The following SNCAIP variants were observed in gnomAD, a reference collection of about 807,000 sequenced individuals.
SNCAIP encodes synuclein alpha interacting protein.
Under a neutral mutation model 86.7 loss-of-function variants are expected in SNCAIP, and 43 were observed. The ratio of observed to expected loss-of-function variants is 0.50; its 90% CI spans 0.39 to 0.64. The LOEUF is 0.64. Among genes scored for constraint, SNCAIP ranks in the 30% least tolerant of loss-of-function variants. SNCAIP has a pLI of 0.00. For missense variants in SNCAIP, 981 were observed against 1,103.1 expected (o/e 0.89, Z 1.57); for synonymous variants, 417 against 427.2 (o/e 0.98, Z 0.29).
intron 1 of SNCAIP, among the ~76,000 whole-genome samples, chr5:122,380,519 G>GT (rs376847161): frequency 1.3e-5 from 2 of 149,700 alleles, no homozygotes; most frequent in African/African-American, 2.5e-5. Context: ...TTTTTGAAGG[G>GT]TTTTTTGTGT....
chr5:122,435,954 A>G (rs1297638012), intron 6 of SNCAIP, among the ~76,000 whole-genome samples: 2 of 152,128 alleles, frequency 1.3e-5, no homozygotes, highest in Non-Finnish European at 2.9e-5. Context: ...ACAAAGCATA[A>G]CTGACACAGA....
intron 1 of SNCAIP, among the ~76,000 whole-genome samples, chr5:122,329,865 A>G (rs932278153): frequency 2.6e-5 from 4 of 152,208 alleles, no homozygotes; most frequent in African/African-American, 4.8e-5. Context: ...TGGAGCCATC[A>G]TAAGCTTAGG....
Position 122,451,400 on chromosome 5 carries a change from C to T in SNCAIP, c.2553C>T (p.Asn851=), listed in dbSNP as rs762107782. The change falls in exon 10 of 11, where the codon AAC becomes AAT. Residue 851 remains asparagine (N), a synonymous_variant. Coordinates refer to ENST00000261368, the MANE Select transcript of SNCAIP (RefSeq NM_005460.4). ...GRTLQRTSTS[N]ESGDQLKRPF... ...CTCTCCAGCGGACCTCCACAAGTAA[C>T]GAATCGGGGGATCAACTGAAAAGGC... The T allele has an allele frequency of 6.2e-6, 10 of 1,613,960 alleles. No individual in the cohort carries two copies. The African/African-American group carries it at 8.0e-5, about 13-fold the overall frequency.
At chr5:122,320,674 A>G (rs1454675553) in intron 1 of SNCAIP, among the ~76,000 whole-genome samples, 1 of 152,186 alleles carries the variant, frequency 6.6e-6, no homozygotes, top group Admixed American at 6.5e-5. Flanking sequence ...TGACAGAGTC[A>G]GGGGGATATG....
chr5:122,325,841 A>G (rs1452004527), intron 1 of SNCAIP, among the ~76,000 whole-genome samples: 1 of 152,168 alleles, frequency 6.6e-6, no homozygotes, highest in Non-Finnish European at 1.5e-5. Context: ...AAAGATGGGG[A>G]AAAATGAAAC....
intron 1 of SNCAIP, among the ~76,000 whole-genome samples, chr5:122,324,513 CTG>C (rs1417713491): frequency 6.6e-6 from 1 of 152,204 alleles, no homozygotes; most frequent in Non-Finnish European, 1.5e-5. Flanking sequence ...CAGTATATGT[CTG>C]TGGAATAAAT....
At chr5:122,371,706 C>G (rs1764300926) in intron 1 of SNCAIP, 1 of 152,244 alleles carries the variant, frequency 6.6e-6, no homozygotes, top group African/African-American at 2.4e-5. Flanking sequence ...TCAGTCCTAC[C>G]TGGCTTTGAT....
intron 10 of SNCAIP, among the ~76,000 whole-genome samples, chr5:122,457,083 C>T (rs1035788815): frequency 1.3e-5 from 2 of 152,262 alleles, no homozygotes; most frequent in Middle Eastern, 6.8e-3. Flanking sequence ...CTCACTGCAA[C>T]CTCCACCTCC....
chr5:122,372,314 A>G (rs147776254), intron 1 of SNCAIP, among the ~76,000 whole-genome samples: 1 of 152,318 alleles, frequency 6.6e-6, no homozygotes, highest in African/African-American at 2.4e-5. Context: ...TCCATGGTGT[A>G]AATACTCCCA....
intron 1 of SNCAIP, 106 bp from the exon 2 acceptor site, chr5:122,390,983 G>A: frequency 4.4e-6 from 3 of 675,296 alleles, no homozygotes; most frequent in South Asian, 3.3e-5. Flanking sequence ...GGCAACACTA[G>A]CACCCAATAA....
intron 3 of SNCAIP, among the ~76,000 whole-genome samples, chr5:122,421,399 T>C (rs1165732514): frequency 6.6e-6 from 1 of 152,214 alleles, no homozygotes; most frequent in East Asian, 1.9e-4. Flanking sequence ...CTTCTCTGAA[T>C]CCTTTTAGAA....
intron 2 of SNCAIP, among the ~76,000 whole-genome samples, chr5:122,399,416 C>T (rs1771305786): frequency 6.6e-6 from 1 of 152,114 alleles, no homozygotes. Context: ...CTTATGGCTC[C>T]AAATCCATTG....
chr5:122,321,627 A>G (rs1752954210), intron 1 of SNCAIP: 1 of 152,264 alleles, frequency 6.6e-6, no homozygotes, highest in Non-Finnish European at 1.5e-5. Context: ...TGAATCATTA[A>G]TGAACAAAGG....
At chr5:122,410,092 A>G (rs952492413) in intron 3 of SNCAIP, among the ~76,000 whole-genome samples, 5 of 152,240 alleles carry the variant, frequency 3.3e-5, no homozygotes, top group African/African-American at 1.2e-4. Context: ...CAGATAAGAC[A>G]TCTAGATGAG....
At chr5:122,341,537 A>G (rs1425433905) in intron 1 of SNCAIP, among the ~76,000 whole-genome samples, 1 of 152,226 alleles carries the variant, frequency 6.6e-6, no homozygotes, top group Non-Finnish European at 1.5e-5. Flanking sequence ...TTAAAGATTC[A>G]GGTTTAATCC....
chr5:122,401,089 T>C, intron 2 of SNCAIP: 1 of 1,550,068 alleles, frequency 6.5e-7, no homozygotes, highest in African/African-American at 1.4e-5. Context: ...CTGACAGTAG[T>C]TGCTGCCCTG....
chr5:122,439,449 T>C (rs1297333620), intron 6 of SNCAIP, among the ~76,000 whole-genome samples: 1 of 152,162 alleles, frequency 6.6e-6, no homozygotes, highest in African/African-American at 2.4e-5. Context: ...TTAGAAAAAG[T>C]GTGGTGCAAA....
chr5:122,422,840 G>T lies in SNCAIP; in HGVS notation c.131-28G>T, dbSNP rs778871549. On this transcript the variant is annotated intron_variant, in intron 3 of 10. Transcript: ENST00000261368. ...ATGTGTTCAGCATTCCAGATTAATAGCTTTCTATTTTAATTTTTTAAAAAC... is the reference window on the plus strand; with the variant it reads ...ATGTGTTCAGCATTCCAGATTAATATCTTTCTATTTTAATTTTTTAAAAAC... The T allele has an allele frequency of 1.9e-6, 3 of 1,596,098 alleles. No homozygotes were observed. In the African/African-American group the frequency reaches 4.0e-5, roughly 21 times the overall value.
rs1248203684 is a variant in SNCAIP at position 122,464,142 on chromosome 5, T to C, written c.*646T>C. 6.6e-6 allele frequency: 1 copy of C among 152,232 alleles called. No individual in the cohort carries two copies. The highest frequency in any genetic ancestry group is 2.4e-5 in the African/African-American group (1 of 41,452). 9.4% of individuals were successfully genotyped at this position (152,232 alleles called of 1,614,324 possible). On this transcript the variant is annotated 3_prime_UTR_variant, in exon 11 of 11. Coordinates refer to ENST00000261368, the MANE Select transcript of SNCAIP (RefSeq NM_005460.4). ...TTGCAAGTATTTTGATTGCTGATAT[T>C]TGATTTCAGGAACAAACTGCTCAGT...
Sources: gnomAD v4.1 joint callset for allele counts (sites outside exome capture counted in the v4.1 genomes callset) on GRCh38, gnomAD v4.1.1 for gene constraint, MANE v1.5 for transcripts, NCBI Gene and HGNC (gene_info 2026-07-23, HGNC 2026-07-21) for gene names.